The following MAP3K12 variants were observed in gnomAD, a reference collection of about 807,000 sequenced individuals.
The protein encoded by MAP3K12 is mitogen-activated protein kinase kinase kinase 12.
A neutral mutation model predicts 87.5 loss-of-function variants in MAP3K12; 14 were observed. The ratio of observed to expected loss-of-function variants is 0.16; its 90% CI spans 0.11 to 0.25. MAP3K12 has a LOEUF of 0.25. MAP3K12 is among the 10% of genes least tolerant of loss of function. MAP3K12 has a pLI of 1.00. For missense variants in MAP3K12, 802 were observed against 1,140.4 expected (o/e 0.70, Z 4.27); for synonymous variants, 469 against 452.5 (o/e 1.04, Z -0.46).
At chr12:53,483,555 T>G in intron 9 of MAP3K12, 52 bp downstream of exon 9, 2 of 1,613,934 alleles carry the variant, frequency 1.2e-6, no homozygotes, top group African/African-American at 1.3e-5. Flanking sequence ...CAGTAGGACC[T>G]CTAAGGCAGG....
At position 53,482,755 on chromosome 12, in the gene MAP3K12, G is replaced by C. The variant is rs1431237613; in HGVS notation, c.2048C>G (p.Pro683Arg). 1 of 1,614,004 alleles carries C rather than the reference G, an allele frequency of 6.2e-7. No individual in the cohort carries two copies. The change falls in exon 11 of 14, where the codon CCT becomes CGT. Residue 683 changes from proline (P) to arginine (R), a missense_variant. Physicochemically the swap from Pro to Arg is moderately radical, Grantham distance 103. Coordinates refer to ENST00000547488, the MANE Select transcript of MAP3K12 (RefSeq NM_001193511.2). ...GDTPPSEGSAPGSTSPDSPGG... is the reference protein window; with the variant it reads ...GDTPPSEGSARGSTSPDSPGG... ...AGGTGAATCTGGGCTGGTGGAGCCA[G>C]GGGCTGAGCCCTCACTTGGTGGGGT... is the stretch of plus-strand genomic sequence containing the variant.
upstream of MAP3K12, chr12:53,500,928 C>T (rs1436405261): frequency 6.2e-6 from 1 of 162,078 alleles, no homozygotes; most frequent in Non-Finnish European, 1.4e-5. Flanking sequence ...CCTGCCTCTC[C>T]AGCTGCGACA....
intron 1 of MAP3K12, among the ~76,000 whole-genome samples, chr12:53,491,437 G>T (rs1267753095): frequency 7.0e-6 from 1 of 143,168 alleles, no homozygotes; most frequent in Non-Finnish European, 1.5e-5. Context: ...AGGCATAGAG[G>T]TTTTTTTTTT....
chr12:53,495,094 C>G (rs1943511939), intron 1 of MAP3K12, among the ~76,000 whole-genome samples: 1 of 151,946 alleles, frequency 6.6e-6, no homozygotes, highest in African/African-American at 2.4e-5. Flanking sequence ...AGTCCCAGCA[C>G]TTTGGGAGGC....
Position 53,483,641 on chromosome 12 carries a change from A to G in MAP3K12, c.1441T>C (p.Leu481=). The G allele has an allele frequency of 6.2e-7, 1 of 1,614,102 alleles. No homozygotes were observed. Among genetic ancestry groups the G allele is most frequent in the Non-Finnish European group, 8.5e-7 (1 of 1,180,030 alleles). ...TCCCTCTCCTTGAGTTCCAGCTGCAACATGAGGGCATTAAGTTCCATATAC... is the reference window on the plus strand; with the variant it reads ...TCCCTCTCCTTGAGTTCCAGCTGCAGCATGAGGGCATTAAGTTCCATATAC... ...NLYMELNALM[L]QLELKERELL... is the part of the protein sequence containing the mutation. Residue 481 remains leucine, a synonymous_variant, in exon 9 of 14, where the codon TTG becomes CTG. Transcript: ENST00000547488.
chr12:53,484,167 C>A, intron 7 of MAP3K12, 90 bp downstream of exon 7: 1 of 1,379,916 alleles, frequency 7.2e-7, no homozygotes, highest in East Asian at 2.3e-5. Context: ...TCTTCAGTCC[C>A]ACTCAACCCA....
At chr12:53,494,130 G>A (rs1015820566) in intron 1 of MAP3K12, among the ~76,000 whole-genome samples, 1 of 152,162 alleles carries the variant, frequency 6.6e-6, no homozygotes, top group Non-Finnish European at 1.5e-5. Flanking sequence ...GGGCCTTGGC[G>A]CCAGAGCTTT....
chr12:53,485,099 AGGGCAC>A lies in MAP3K12; in HGVS notation c.1090_1095del (p.Val364_Pro365del). On this transcript the variant is annotated inframe_deletion, in exon 6 of 14. Transcript: ENST00000547488. ...ATCTTGAAACCATCTGGGCAACTGG[AGGGCAC>A]GGGCAGATGGAGACTGTTGCTTCCC... The A allele has an allele frequency of 6.2e-7, 1 of 1,614,180 alleles. No homozygotes were observed. The highest frequency in any genetic ancestry group is 8.5e-7 in the Non-Finnish European group (1 of 1,180,036).
chr12:53,493,644 G>C (rs1943476719), intron 1 of MAP3K12: 1 of 152,266 alleles, frequency 6.6e-6, no homozygotes, highest in African/African-American at 2.4e-5. Context: ...GAGAAACACG[G>C]AGAACACCCA....
chr12:53,485,953 G>C lies in MAP3K12; in HGVS notation c.821+103C>G, dbSNP rs41428050. ...GTCACTTGGAAGAGGTTTCTGAGAT[G>C]GCCACATGGACCTAGGGCATGGTTT... On this transcript the variant is annotated intron_variant, in intron 4 of 13. Transcript: ENST00000547488. 0.014 allele frequency: 15,175 copies of C among 1,075,032 alleles called. 1,106 individuals carry two copies. The East Asian group carries it at 0.18, about 13-fold the overall frequency. 66.6% of individuals were successfully genotyped at this position (1,075,032 alleles called of 1,614,324 possible).
intron 9 of MAP3K12, 27 bp from the exon 10 acceptor site, chr12:53,483,513 G>A (rs1433922505): frequency 6.2e-7 from 1 of 1,613,930 alleles, no homozygotes; most frequent in South Asian, 1.1e-5. Flanking sequence ...CTTCTCAGCT[G>A]GGCAAATGAC....
rs765111353 is a variant in MAP3K12 at position 53,486,047 on chromosome 12, C to T, written c.821+9G>A. ...ATGCACATCTGTTGCTCCCTGCTTG[C>T]TTACTCACTTGGGTGACTTGAGATC... On this transcript the variant is annotated intron_variant, in intron 4 of 13. Transcript: ENST00000547488. The surrounding 1 kb of genome is among the most constrained non-coding windows in gnomAD (Gnocchi z 4.9). The T allele has an allele frequency of 6.3e-7, 1 of 1,594,700 alleles. No individual in the cohort carries two copies. Among genetic ancestry groups the T allele is most frequent in the South Asian group, 1.1e-5 (1 of 87,828 alleles).
rs754901636 is a variant in MAP3K12 at position 53,486,873 on chromosome 12, A to C, written c.445+74T>G. 37 of 1,580,050 alleles carry C rather than the reference A, an allele frequency of 2.3e-5. No individual in the cohort carries two copies. Among genetic ancestry groups the C allele is most frequent in the Non-Finnish European group, 2.9e-5 (34 of 1,160,726 alleles). On this transcript the variant is annotated intron_variant, in intron 2 of 13. Transcript: ENST00000547488. This position sits in a 1 kb window ranked among gnomAD's most constrained non-coding sequence, Gnocchi z 4.9. ...TGGGGAGGGAAGGGACCATTGCGTG[A>C]CTTTAGCGGAGCTGACCAACAGATC...
In MAP3K12 at chr12:53,486,804, G is replaced by A. The variant is rs1206587213; in HGVS notation, c.445+143C>T. 6.7e-7 allele frequency: 1 copy of A among 1,492,896 alleles called. No individual in the cohort carries two copies. Among genetic ancestry groups the A allele is most frequent in the East Asian group, 2.4e-5 (1 of 42,338 alleles). 92.5% of individuals were successfully genotyped at this position (1,492,896 alleles called of 1,614,324 possible). The stretch of plus-strand genomic sequence containing the variant: ...AATGGGTGGCCTTAAAAGAAGCTGG[G>A]AAGTTAGAGGCTGATGGATGGCTAA... On this transcript the variant is annotated intron_variant, in intron 2 of 13. Transcript: ENST00000547488. The surrounding 1 kb of genome is among the most constrained non-coding windows in gnomAD (Gnocchi z 4.9).
rs1303607013 is a variant in MAP3K12, at chr12:53,482,668, C to A, written c.2135G>T (p.Gly712Val). 4 of 1,613,972 alleles carry A rather than the reference C, an allele frequency of 2.5e-6. No individual in the cohort carries two copies. In the South Asian group the frequency reaches 4.4e-5, roughly 18 times the overall value. ...GCCTGAGGTCCCTTCCCTTCCAGTT[C>A]CCAGAAGCCCCACACCTTCACCAGG... is the stretch of plus-strand genomic sequence containing the variant. ...VGPGEGVGLL[G>V]TGREGTSGRG... Residue 712 changes from glycine to valine, a missense_variant, in exon 11 of 14, where the codon GGA (glycine) becomes GTA (valine). Gly to Val is a moderately radical substitution (Grantham distance 109, BLOSUM62 -3). This residue lies in a region of MAP3K12 where 490 missense variants were observed against 496.6 expected (regional missense o/e 0.99). Transcript: ENST00000547488.
rs756119382 is a variant in MAP3K12 at position 53,485,159 on chromosome 12, C to T, written c.1036G>A (p.Val346Ile). 21 of 1,613,964 alleles carry T rather than the reference C, an allele frequency of 1.3e-5. No individual in the cohort carries two copies. The highest frequency in any genetic ancestry group is 3.3e-5 in the Admixed American group (2 of 59,986). The stretch of plus-strand genomic sequence containing the variant: ...CCCCAGATAATGGCTGAGGAATCTA[C>T]GTCTTTGTAGGGGATCTCACCAGTC... ...LLTGEIPYKD[V>I]DSSAIIWGVG... Residue 346 changes from valine to isoleucine, a missense_variant, in exon 6 of 14, where the codon GTA (valine) becomes ATA (isoleucine). By Grantham distance (29) the Val-to-Ile change is conservative. This residue lies in a region of MAP3K12 where 21 missense variants were observed against 136.9 expected (regional missense o/e 0.15). Coordinates refer to ENST00000547488, the MANE Select transcript of MAP3K12 (RefSeq NM_001193511.2).
chr12:53,495,339 C>CAAAAAA (rs10647631), intron 1 of MAP3K12, among the ~76,000 whole-genome samples: 470 of 19,374 alleles, frequency 0.024, 135 homozygotes, highest in East Asian at 0.2. Context: ...ACTCTGTCTC[C>CAAAAAA]AAAAAAAAAA....
intron 7 of MAP3K12, 99 bp downstream of exon 7, chr12:53,484,158 C>G: frequency 7.3e-7 from 1 of 1,366,928 alleles, no homozygotes; most frequent in East Asian, 2.3e-5. Context: ...GAGCCAATCT[C>G]TTCAGTCCCA....
At position 53,482,349 on chromosome 12, in the gene MAP3K12, T is replaced by G; in HGVS notation, c.2259A>C (p.Glu753Asp). 1 of 1,613,910 alleles carries G rather than the reference T, an allele frequency of 6.2e-7. No individual in the cohort carries two copies. The highest frequency in any genetic ancestry group is 8.5e-7 in the Non-Finnish European group (1 of 1,179,962). ...TRSQKRGISS[E>D]EEEGEVDSEV... ...CACTGTCTACCTCTCCTTCCTCCTC[T>G]TCCGATGAGATGCCACGTTTCTGCA... Residue 753 changes from glutamate (E) to aspartate (D), a missense_variant, in exon 12 of 14, where the codon GAA becomes GAC. By Grantham distance (45) the Glu-to-Asp change is conservative (BLOSUM62 2). This residue lies in a region of MAP3K12 where 490 missense variants were observed against 496.6 expected (regional missense o/e 0.99). Transcript: ENST00000547488.
Sources: gnomAD v4.1 joint callset for allele counts (sites outside exome capture counted in the v4.1 genomes callset) on GRCh38, gnomAD v4.1.1 for gene constraint, gnomAD v4.1.1 regional missense constraint, Gnocchi (gnomAD v3.1) non-coding constraint, MANE v1.5 for transcripts, NCBI Gene and HGNC (gene_info 2026-07-23, HGNC 2026-07-21) for gene names.